The following WWOX variants were observed in gnomAD, a reference collection of about 807,000 sequenced individuals.
WWOX encodes the protein WW domain containing oxidoreductase.
Under a neutral mutation model 46.2 loss-of-function variants are expected in WWOX, and 69 were observed. The ratio of observed to expected loss-of-function variants is 1.49; its 90% confidence interval spans 1.23 to 1.82. The LOEUF (loss-of-function observed/expected upper bound fraction) is 1.82. Ranked by LOEUF, WWOX falls within the 40% of genes most tolerant of loss-of-function variation. The pLI is 0.00. For synonymous variants in WWOX, 359 were observed against 202.6 expected (o/e 1.77, Z -6.56); for missense variants, 919 against 542.6 (o/e 1.69, Z -6.89).
At chr16:78,303,005 T>C (rs1317388825) in intron 5 of WWOX, among the ~76,000 whole-genome samples, 1 of 152,142 alleles carries the variant, frequency 6.6e-6, no homozygotes. Context: ...GGGAGAACTC[T>C]CCATATGGAT....
intron 8 of WWOX, among the ~76,000 whole-genome samples, chr16:79,003,093 A>C (rs1422886220): frequency 6.6e-6 from 1 of 152,120 alleles, no homozygotes; most frequent in African/African-American, 2.4e-5. Context: ...CCCCCTGAAA[A>C]ACCTCCTTCC....
At chr16:78,624,062 A>G (rs879736254) in intron 8 of WWOX, among the ~76,000 whole-genome samples, 5 of 152,234 alleles carry the variant, frequency 3.3e-5, no homozygotes, top group Non-Finnish European at 7.3e-5. Context: ...GTAGAATTCA[A>G]TATATGTCCT....
At chr16:78,846,670 A>G (rs1354945951) in intron 8 of WWOX, among the ~76,000 whole-genome samples, 1 of 152,032 alleles carries the variant, frequency 6.6e-6, no homozygotes, top group Non-Finnish European at 1.5e-5. Flanking sequence ...TATCTGCCAG[A>G]TTTCTCCACT....
intron 8 of WWOX, among the ~76,000 whole-genome samples, chr16:79,113,384 C>T (rs1315443151): frequency 6.6e-6 from 1 of 152,218 alleles, no homozygotes; most frequent in African/African-American, 2.4e-5. Flanking sequence ...AGTACTTACC[C>T]ACCAGATCCT....
At chr16:78,311,267 T>G (rs1230146563) in intron 5 of WWOX, among the ~76,000 whole-genome samples, 1 of 152,192 alleles carries the variant, frequency 6.6e-6, no homozygotes, top group African/African-American at 2.4e-5. Flanking sequence ...TCAGCCAATT[T>G]TTTTGGTAAT....
intron 8 of WWOX, among the ~76,000 whole-genome samples, chr16:78,862,728 G>A (rs530726536): frequency 1.4e-4 from 22 of 152,146 alleles, no homozygotes; most frequent in Admixed American, 7.2e-4. Flanking sequence ...GCATAGAGAG[G>A]CAATTCTTTC....
chr16:78,863,788 G>T (rs2043944389), intron 8 of WWOX, among the ~76,000 whole-genome samples: 1 of 152,152 alleles, frequency 6.6e-6, no homozygotes, highest in Non-Finnish European at 1.5e-5. Context: ...ACTATCACAG[G>T]CATAGTGAGT....
intron 8 of WWOX, among the ~76,000 whole-genome samples, chr16:78,918,062 C>G (rs546103062): frequency 6.6e-6 from 1 of 151,786 alleles, no homozygotes. Flanking sequence ...ATTAGCCAGG[C>G]GTGGTGGTGC....
At chr16:78,178,949 G>T (rs563324971) in intron 5 of WWOX, among the ~76,000 whole-genome samples, 23 of 152,124 alleles carry the variant, frequency 1.5e-4, no homozygotes, top group African/African-American at 5.5e-4. Flanking sequence ...GCGGATAACC[G>T]AGAGCTGGTC....
intron 8 of WWOX, among the ~76,000 whole-genome samples, chr16:78,969,948 C>A (rs533419597): frequency 3.3e-5 from 5 of 152,078 alleles, no homozygotes; most frequent in Admixed American, 1.3e-4. Context: ...TTTCACAACT[C>A]TTTGATTGTA....
intron 8 of WWOX, among the ~76,000 whole-genome samples, chr16:78,943,088 T>TA (rs1160294284): frequency 1.3e-5 from 2 of 152,204 alleles, no homozygotes. Context: ...GCAACTATTT[T>TA]AAATTGCTAT....
chr16:78,668,559 G>A, intron 8 of WWOX, among the ~76,000 whole-genome samples: 1 of 152,144 alleles, frequency 6.6e-6, no homozygotes, highest in South Asian at 2.1e-4. Flanking sequence ...TGTGGCAAGG[G>A]GCGTGACAAA....
chr16:78,337,562 C>T (rs1200550600), intron 5 of WWOX, among the ~76,000 whole-genome samples: 1 of 152,148 alleles, frequency 6.6e-6, no homozygotes, highest in Non-Finnish European at 1.5e-5. Context: ...TGCATAATGA[C>T]AGGTGTCTGT....
intron 5 of WWOX, among the ~76,000 whole-genome samples, chr16:78,199,205 C>G (rs1045319326): frequency 6.6e-6 from 1 of 152,024 alleles, no homozygotes; most frequent in South Asian, 2.1e-4. Context: ...CCAAGCTACT[C>G]GGGAGGCTGA....
rs1373956901 is a variant in WWOX, at chr16:78,452,475, C to CTCTTTT, written c.1056+19724_1056+19725insCTTTTT. Among the ~76,000 whole-genome samples the CTCTTTT allele has an allele frequency of 2.0e-4, 25 of 126,054 alleles. No homozygotes were observed. In the South Asian group the frequency reaches 6.7e-3, roughly 34 times the overall value. 82.7% of individuals were successfully genotyped at this position (126,054 alleles called of 152,430 possible). A position where few individuals can be genotyped will look rare whatever the true frequency, so the allele number is the denominator to read the frequency against. On this transcript the variant is annotated intron_variant, in intron 8 of 8. Transcript: ENST00000566780. ...AATAAATACTTTTTTCTCTCTCTCT[C>CTCTTTT]TTTTTTTTTTTTTTTTTTTGAGACG...
intron 8 of WWOX, among the ~76,000 whole-genome samples, chr16:79,071,492 C>G (rs1322030280): frequency 6.6e-6 from 1 of 152,202 alleles, no homozygotes; most frequent in Non-Finnish European, 1.5e-5. Flanking sequence ...TGTTTTCTCT[C>G]TAGTTTGAAA....
intron 8 of WWOX, among the ~76,000 whole-genome samples, chr16:78,741,429 G>A (rs967215033): frequency 2.6e-5 from 4 of 152,224 alleles, no homozygotes; most frequent in South Asian, 2.1e-4. Context: ...GCGTGGTGGC[G>A]CATGTCTGTA....
intron 8 of WWOX, among the ~76,000 whole-genome samples, chr16:78,823,766 C>G (rs1371983087): frequency 1.4e-5 from 2 of 142,512 alleles, no homozygotes; most frequent in African/African-American, 5.1e-5. Flanking sequence ...CTACCCTGAG[C>G]TTTCTAGACT....
At chr16:78,829,107 G>GATGGATGGATGT (rs1242898472) in intron 8 of WWOX, among the ~76,000 whole-genome samples, 2 of 151,932 alleles carry the variant, frequency 1.3e-5, no homozygotes, top group African/African-American at 4.8e-5. Flanking sequence ...TGGATGGATG[G>GATGGATGGATGT]ATGGATGGAT....
Sources: gnomAD v4.1 joint callset for allele counts (sites outside exome capture counted in the v4.1 genomes callset) on GRCh38, gnomAD v4.1.1 for gene constraint, MANE v1.5 for transcripts, NCBI Gene and HGNC (gene_info 2026-07-23, HGNC 2026-07-21) for gene names.